Variants in HLCS observed in about 807,000 individuals in gnomAD.
The protein encoded by HLCS is biotin--protein ligase.
In HLCS, 53 loss-of-function variants were observed where a neutral mutation model predicts 75.0. That is an observed-to-expected ratio of 0.71 (90% CI 0.57 to 0.89). The LOEUF is 0.89. Among genes scored for constraint, HLCS ranks in the 40% least tolerant of loss-of-function variants. The probability of loss-of-function intolerance (pLI) is 0.00; values close to 1 mark genes in which losing one functional copy is unlikely to be tolerated. For missense variants in HLCS, 966 were observed against 1,074.0 expected (o/e 0.90, Z 1.41); for synonymous variants, 431 against 428.6 (o/e 1.01, Z -0.07).
intron 9 of HLCS, among the ~76,000 whole-genome samples, chr21:36,758,749 G>A (rs1002385615): frequency 5.9e-5 from 9 of 152,114 alleles, no homozygotes; most frequent in Admixed American, 3.3e-4. Context: ...CTGGGAGGCC[G>A]AGGCGGGCGG....
intron 6 of HLCS, among the ~76,000 whole-genome samples, chr21:36,834,706 C>G (rs2062345430): frequency 6.6e-6 from 1 of 152,206 alleles, no homozygotes; most frequent in Admixed American, 6.5e-5. Flanking sequence ...CAGGCACATG[C>G]CAGCATGCCC....
At chr21:36,911,572 G>A (rs1383346927) in intron 5 of HLCS, among the ~76,000 whole-genome samples, 3 of 151,418 alleles carry the variant, frequency 2.0e-5, no homozygotes, top group Non-Finnish European at 4.4e-5. Context: ...GTGAAACCCC[G>A]TATCTACTAA....
chr21:36,873,671 C>G (rs1458765142), intron 6 of HLCS, among the ~76,000 whole-genome samples: 1 of 152,182 alleles, frequency 6.6e-6, no homozygotes, highest in Non-Finnish European at 1.5e-5. Flanking sequence ...GCCTGAAGTG[C>G]AGTGGTGCAA....
intron 1 of HLCS, among the ~76,000 whole-genome samples, chr21:36,989,925 G>C (rs565397106): frequency 1.3e-5 from 2 of 152,150 alleles, no homozygotes; most frequent in Admixed American, 6.5e-5. Context: ...GGCGCGCGGA[G>C]GCCGCGCTGC....
At chr21:36,982,674 A>G (rs1486840586) in intron 1 of HLCS, among the ~76,000 whole-genome samples, 1 of 152,200 alleles carries the variant, frequency 6.6e-6, no homozygotes, top group Non-Finnish European at 1.5e-5. Context: ...GTCTAAATTT[A>G]CGCATTGTAG....
At chr21:36,874,796 G>A (rs988390498) in intron 6 of HLCS, among the ~76,000 whole-genome samples, 2 of 152,056 alleles carry the variant, frequency 1.3e-5, no homozygotes, top group Non-Finnish European at 2.9e-5. Context: ...GGCTGGGCAG[G>A]AGCCCCATGC....
At chr21:36,930,996 A>G (rs933439486) in intron 4 of HLCS, among the ~76,000 whole-genome samples, 2 of 152,182 alleles carry the variant, frequency 1.3e-5, no homozygotes, top group African/African-American at 4.8e-5. Flanking sequence ...GGAACAAAAT[A>G]TCTAGGGCCG....
chr21:36,859,547 G>T (rs1331939340), intron 6 of HLCS, among the ~76,000 whole-genome samples: 1 of 152,218 alleles, frequency 6.6e-6, no homozygotes, highest in East Asian at 1.9e-4. Context: ...TTTTGCGTAA[G>T]TGGACTGAGT....
In HLCS at chr21:36,962,249, T is replaced by C. The variant is rs935162869; in HGVS notation, c.196-79A>G. The C allele has an allele frequency of 1.6e-4, 154 of 939,590 alleles. 4 individuals are homozygous for C. In the South Asian group the frequency reaches 2.2e-3, roughly 14 times the overall value. The allele number at this position is 939,590 out of a possible 1,614,324, so 58.2% of individuals were successfully genotyped here. The stretch of plus-strand genomic sequence containing the variant: ...ATAAATTTCAACCCCCTCTGAAACA[T>C]ACCCTCCCCTATAATTCCAAGTGAC... On this transcript the variant is annotated intron_variant, in intron 1 of 10. Coordinates refer to ENST00000674895, the MANE Select transcript of HLCS (RefSeq NM_001352514.2).
chr21:36,849,940 C>T (rs1193856399), intron 6 of HLCS, among the ~76,000 whole-genome samples: 1 of 152,184 alleles, frequency 6.6e-6, no homozygotes, highest in Non-Finnish European at 1.5e-5. Flanking sequence ...GAGAAAGCTC[C>T]TCTGCTTCCT....
At chr21:36,947,452 A>C (rs1270143059) in intron 2 of HLCS, 1 of 985,412 alleles carries the variant, frequency 1.0e-6, no homozygotes, top group Non-Finnish European at 1.2e-6. Context: ...TACGTCGTCC[A>C]GGGTGTTTGC....
intron 6 of HLCS, among the ~76,000 whole-genome samples, chr21:36,768,426 TG>T (rs1402921915): frequency 1.3e-5 from 2 of 152,174 alleles, no homozygotes; most frequent in Admixed American, 1.3e-4. Flanking sequence ...ACTTTACAAA[TG>T]GCTGGAACTC....
At chr21:36,872,815 T>C (rs1314699928) in intron 6 of HLCS, among the ~76,000 whole-genome samples, 1 of 152,224 alleles carries the variant, frequency 6.6e-6, no homozygotes, top group Non-Finnish European at 1.5e-5. Flanking sequence ...TGCATAGACA[T>C]GTATTTTTGT....
intron 6 of HLCS, among the ~76,000 whole-genome samples, chr21:36,788,291 G>A (rs900482309): frequency 6.6e-6 from 1 of 152,212 alleles, no homozygotes; most frequent in African/African-American, 2.4e-5. Context: ...TGACTCAGCT[G>A]TGCAGGGCCC....
chr21:36,937,453 G>A, intron 3 of HLCS, 61 bp from the exon 4 acceptor site: 1 of 1,381,504 alleles, frequency 7.2e-7, no homozygotes, highest in Non-Finnish European at 1.0e-6. Context: ...ATGACACATA[G>A]CTCATCTCAA....
At chr21:36,838,879 G>C (rs2062515981) in intron 6 of HLCS, among the ~76,000 whole-genome samples, 1 of 152,222 alleles carries the variant, frequency 6.6e-6, no homozygotes, top group South Asian at 2.1e-4. Flanking sequence ...GGAGCCTCCA[G>C]AGGGAGTGTG....
intron 6 of HLCS, among the ~76,000 whole-genome samples, chr21:36,815,828 G>A (rs2061648688): frequency 6.6e-6 from 1 of 152,132 alleles, no homozygotes; most frequent in Non-Finnish European, 1.5e-5. Flanking sequence ...AAATACATGA[G>A]ATTTTTACCG....
At chr21:36,922,378 A>C (rs952016992) in intron 5 of HLCS, among the ~76,000 whole-genome samples, 1 of 152,198 alleles carries the variant, frequency 6.6e-6, no homozygotes, top group Non-Finnish European at 1.5e-5. Context: ...AAGCCTAAAA[A>C]CATTTTAAGA....
chr21:36,942,248 A>T (rs570449300), intron 2 of HLCS, among the ~76,000 whole-genome samples: 80 of 152,054 alleles, frequency 5.3e-4, no homozygotes, highest in Non-Finnish European at 8.8e-4. Flanking sequence ...AACCACAGAT[A>T]GAGAAGCGTT....
Sources: allele counts gnomAD v4.1 joint callset (sites outside exome capture counted in the v4.1 genomes callset), GRCh38; gene constraint gnomAD v4.1.1; transcripts MANE v1.5; gene names NCBI Gene and HGNC (gene_info 2026-07-23, HGNC 2026-07-21).